KIF16B: variants seen among roughly 807,000 people sequenced by gnomAD.
The protein encoded by KIF16B is kinesin-like protein KIF16B.
In KIF16B, 98 loss-of-function variants were observed where a neutral mutation model predicts 156.3. The ratio of observed to expected loss-of-function variants is 0.63; its 90% CI spans 0.53 to 0.74. KIF16B has a LOEUF of 0.74. Among genes scored for constraint, KIF16B ranks in the 30% least tolerant of loss-of-function variants. KIF16B has a pLI of 0.00. For missense variants in KIF16B, 1,421 were observed against 1,606.5 expected (o/e 0.88, Z 1.97); for synonymous variants, 564 against 583.7 (o/e 0.97, Z 0.49).
chr20:16,307,633 T>A (rs780741239), intron 25 of KIF16B, among the ~76,000 whole-genome samples: 2 of 152,252 alleles, frequency 1.3e-5, no homozygotes, highest in Non-Finnish European at 2.9e-5. Flanking sequence ...GCAATTTAAC[T>A]AATTTTATGT....
intron 1 of KIF16B, among the ~76,000 whole-genome samples, chr20:16,538,014 T>G (rs2070047446): frequency 6.6e-6 from 1 of 152,086 alleles, no homozygotes; most frequent in East Asian, 1.9e-4. Flanking sequence ...CTACCCACAT[T>G]TTCAAGTAAG....
At position 16,528,390 on chromosome 20, in the gene KIF16B, G is replaced by C; in HGVS notation, c.98C>G (p.Thr33Arg). 1 of 1,613,894 alleles carries C rather than the reference G, an allele frequency of 6.2e-7. No individual in the cohort carries two copies. Reference protein sequence around the residue: ...KFIIQMEKSKTTITNLKIPEG... With the variant: ...KFIIQMEKSKRTITNLKIPEG... ...ACTTGCCTTTAAGTTTGTGATTGTC[G>C]TTTTGCTTTTCTCCATCTGAATAAT... Residue 33 changes from threonine (T) to arginine (R), a missense_variant, in exon 2 of 26, where the codon ACG (threonine) becomes AGG (arginine). Physicochemically the swap from Thr to Arg is moderately conservative, Grantham distance 71. Transcript: ENST00000354981.
At position 16,333,353 on chromosome 20, in the gene KIF16B, A is replaced by G. The variant is rs200286875; in HGVS notation, c.3711+2573T>C. 9.9e-5 allele frequency among the ~76,000 whole-genome samples: 15 copies of G among 152,176 alleles called. No homozygotes were observed. In the East Asian group the frequency reaches 2.9e-3, roughly 29 times the overall value. ...CCCAGCTCTCATGCCACACTATCAC[A>G]AGGCCTGGTTTTATTCACTTTACAC... is the stretch of plus-strand genomic sequence containing the variant. On this transcript the variant is annotated intron_variant, in intron 24 of 25. Transcript: ENST00000354981.
chr20:16,503,831 G>T (rs554574737), intron 10 of KIF16B, among the ~76,000 whole-genome samples: 10 of 152,220 alleles, frequency 6.6e-5, no homozygotes, highest in African/African-American at 1.9e-4. Context: ...AATCCCAACA[G>T]ATCCTAAAAT....
At chr20:16,462,101 C>A (rs1458091529) in intron 12 of KIF16B, among the ~76,000 whole-genome samples, 1 of 152,126 alleles carries the variant, frequency 6.6e-6, no homozygotes, top group Non-Finnish European at 1.5e-5. Flanking sequence ...ATTAGCTGGG[C>A]ATGGTGGCAC....
Position 16,364,032 on chromosome 20 carries a change from C to T in KIF16B, c.3498+6554G>A, listed in dbSNP as rs1254312288. On this transcript the variant is annotated intron_variant, in intron 22 of 25. Transcript: ENST00000354981. ...ATCAAAGGAGCATTAATAAAAGTGG[C>T]TCTAATCTATTTATCATACAAAGCT... is the stretch of plus-strand genomic sequence containing the variant. 2.0e-5 allele frequency among the ~76,000 whole-genome samples: 3 copies of T among 152,220 alleles called. No individual in the cohort carries two copies. The East Asian group carries it at 5.8e-4, about 29-fold the overall frequency.
At chr20:16,309,125 C>T (rs1278667669) in intron 25 of KIF16B, among the ~76,000 whole-genome samples, 1 of 152,154 alleles carries the variant, frequency 6.6e-6, no homozygotes, top group Non-Finnish European at 1.5e-5. Flanking sequence ...TTCAAAGATT[C>T]TATAGTTCTT....
At chr20:16,520,514 A>G (rs1424607825) in intron 3 of KIF16B, among the ~76,000 whole-genome samples, 1 of 152,230 alleles carries the variant, frequency 6.6e-6, no homozygotes, top group Admixed American at 6.5e-5. Context: ...TCTGAAAGAA[A>G]GGCAGTAGCC....
At chr20:16,538,637 A>T (rs2070072754) in intron 1 of KIF16B, among the ~76,000 whole-genome samples, 1 of 152,218 alleles carries the variant, frequency 6.6e-6, no homozygotes, top group South Asian at 2.1e-4. Context: ...AAAATACTCT[A>T]CCAGGAAAAG....
intron 23 of KIF16B, among the ~76,000 whole-genome samples, chr20:16,343,703 A>G (rs1444651077): frequency 6.6e-6 from 1 of 152,240 alleles, no homozygotes; most frequent in Non-Finnish European, 1.5e-5. Context: ...AGTAACAAGC[A>G]TTAATGGATA....
At chr20:16,411,395 T>C (rs1281410363) in intron 15 of KIF16B, among the ~76,000 whole-genome samples, 6 of 152,110 alleles carry the variant, frequency 3.9e-5, no homozygotes, top group African/African-American at 1.4e-4. Flanking sequence ...TTCAACACTA[T>C]ACTCTTCTGT....
At chr20:16,415,572 T>C (rs539982253) in intron 15 of KIF16B, among the ~76,000 whole-genome samples, 3 of 152,256 alleles carry the variant, frequency 2.0e-5, no homozygotes, top group Non-Finnish European at 4.4e-5. Flanking sequence ...AGAAAATTCA[T>C]GCAACTGATC....
intron 25 of KIF16B, among the ~76,000 whole-genome samples, chr20:16,276,588 G>A (rs1350948133): frequency 1.3e-5 from 2 of 152,222 alleles, no homozygotes; most frequent in Non-Finnish European, 1.5e-5. Flanking sequence ...TCTTTGCAGC[G>A]ACCTCAAAGT....
chr20:16,448,653 A>C (rs1159637523), intron 12 of KIF16B, among the ~76,000 whole-genome samples: 1 of 152,234 alleles, frequency 6.6e-6, no homozygotes, highest in Non-Finnish European at 1.5e-5. Flanking sequence ...CAATGACCAT[A>C]AACAGCAAGC....
At position 16,429,136 on chromosome 20, in the gene KIF16B, T is replaced by C. The variant is rs2066434044; in HGVS notation, c.1423-132A>G. 7.9e-6 allele frequency: 6 copies of C among 763,182 alleles called. No homozygotes were observed. In the East Asian group the frequency reaches 1.6e-4, roughly 20 times the overall value. The allele number at this position is 763,182 out of a possible 1,614,324, so 47.3% of individuals were successfully genotyped here. A position where few individuals can be genotyped will look rare whatever the true frequency, so the allele number is the denominator to read the frequency against. ...ACATCCTGGCAGGCCACAGCTTCAA[T>C]GCATCGAGAGCTCCCCAAGGCTCTG... On this transcript the variant is annotated intron_variant, in intron 13 of 25. Transcript: ENST00000354981.
chr20:16,355,462 A>T (rs2064420326), intron 23 of KIF16B, among the ~76,000 whole-genome samples: 1 of 152,190 alleles, frequency 6.6e-6, no homozygotes, highest in Non-Finnish European at 1.5e-5. Flanking sequence ...TACAGAACTC[A>T]GTGTCCAGAT....
At chr20:16,509,486 G>A (rs2068890300) in intron 6 of KIF16B, among the ~76,000 whole-genome samples, 1 of 152,130 alleles carries the variant, frequency 6.6e-6, no homozygotes, top group South Asian at 2.1e-4. Flanking sequence ...AGTCTTATCA[G>A]GATTATTTAC....
intron 22 of KIF16B, among the ~76,000 whole-genome samples, chr20:16,359,851 C>T (rs768205111): frequency 3.5e-4 from 53 of 152,080 alleles, no homozygotes; most frequent in African/African-American, 7.2e-4. Flanking sequence ...CTGTCCCAAA[C>T]GGGACCAGAC....
chr20:16,508,603 C>T (rs2068860337), intron 6 of KIF16B, among the ~76,000 whole-genome samples: 1 of 152,148 alleles, frequency 6.6e-6, no homozygotes, highest in Non-Finnish European at 1.5e-5. Context: ...CTAATGCCAC[C>T]ACTGATCTGA....
Sources: allele counts gnomAD v4.1 joint callset (sites outside exome capture counted in the v4.1 genomes callset), GRCh38; gene constraint gnomAD v4.1.1; transcripts MANE v1.5; gene names NCBI Gene and HGNC (gene_info 2026-07-23, HGNC 2026-07-21).